The following SLC25A35 variants were observed in gnomAD, a reference collection of about 807,000 sequenced individuals.
The protein encoded by SLC25A35 is solute carrier family 25, member 35.
In SLC25A35, 32 loss-of-function variants were observed where a neutral mutation model predicts 30.5. That is an observed-to-expected ratio of 1.05 (90% confidence interval 0.79 to 1.41). The LOEUF (loss-of-function observed/expected upper bound fraction) is 1.41. Among genes scored for constraint, SLC25A35 ranks in the 40% most tolerant of loss-of-function variants. The pLI is 0.00. For missense variants in SLC25A35, 369 were observed against 388.0 expected (o/e 0.95, Z 0.41); for synonymous variants, 142 against 158.1 (o/e 0.90, Z 0.77).
At chr17:8,289,425 G>A (rs370613922), downstream of SLC25A35, 13 of 1,613,984 alleles carry the variant, frequency 8.1e-6, no homozygotes, top group African/African-American at 2.7e-5. Flanking sequence ...GTGAGGGCCC[G>A]AGAGTGTGTA....
chr17:8,291,765 A>G (rs1835727284), intron 2 of SLC25A35, among the ~76,000 whole-genome samples: 1 of 152,220 alleles, frequency 6.6e-6, no homozygotes, highest in Non-Finnish European at 1.5e-5. Flanking sequence ...TATTGGAAAG[A>G]GGCATCAGGC....
In SLC25A35 at chr17:8,290,553, G is replaced by A; in HGVS notation, c.855C>T (p.Leu285=). The change falls in exon 5 of 5, where the codon CTC becomes CTT. Residue 285 remains leucine (L), a synonymous_variant. Coordinates refer to ENST00000577745, the MANE Select transcript of SLC25A35 (RefSeq NM_001320870.2). Reference sequence around the variant, plus strand: ...GGGAGCGCAGCTGGTCCCAGAAGAAGAGGGAGAGGATGGTGTGGGGGCCGA... The same window carrying A: ...GGGAGCGCAGCTGGTCCCAGAAGAAAAGGGAGAGGATGGTGTGGGGGCCGA... ...FRLGPHTILS[L]FFWDQLRSLY... is the part of the protein sequence containing the mutation. 2.0e-6 allele frequency: 3 copies of A among 1,536,166 alleles called. No individual in the cohort carries two copies. Among genetic ancestry groups the A allele is most frequent in the Non-Finnish European group, 2.6e-6 (3 of 1,146,890 alleles).
chr17:8,294,772 C>T lies in SLC25A35; in HGVS notation c.36G>A (p.Gly12=). 1 of 1,600,478 alleles carries T rather than the reference C, an allele frequency of 6.2e-7. No individual in the cohort carries two copies. Among genetic ancestry groups the T allele is most frequent in the East Asian group, 2.2e-5 (1 of 44,630 alleles). The part of the protein sequence containing the change: ...DFLMSGLAAC[G]ACVFTNPLEV... ...CCAGGGGATTGGTGAATACACAGGCCCCGCAGGCTGCCAGGCCACTCATCA... is the reference window on the plus strand; with the variant it reads ...CCAGGGGATTGGTGAATACACAGGCTCCGCAGGCTGCCAGGCCACTCATCA... The change falls in exon 1 of 5, where the codon GGG becomes GGA. Residue 12 remains glycine, a synonymous_variant. Transcript: ENST00000577745.
At position 8,294,909 on chromosome 17, in the gene SLC25A35, C is replaced by T. The variant is rs1567665191; in HGVS notation, c.-102G>A. The T allele has an allele frequency of 6.7e-7, 1 of 1,494,100 alleles. No individual in the cohort carries two copies. The highest frequency in any genetic ancestry group is 8.9e-7 in the Non-Finnish European group (1 of 1,127,444). 92.6% of individuals were successfully genotyped at this position (1,494,100 alleles called of 1,614,324 possible). A position where few individuals can be genotyped will look rare whatever the true frequency, so the allele number is the denominator to read the frequency against. ...AGGGGGAAGGCCTGTTTCAGCAGTA[C>T]AGGTTGCAGAAGATAAGAATTTAGA... On this transcript the variant is annotated 5_prime_UTR_variant, in exon 1 of 5. Transcript: ENST00000577745.
At chr17:8,288,475 C>G, downstream of SLC25A35, 1 of 463,718 alleles carries the variant, frequency 2.2e-6, no homozygotes, top group South Asian at 2.2e-5. Flanking sequence ...AGGAGGCTGG[C>G]GGGAGCATGC....
downstream of SLC25A35, chr17:8,288,765 T>C: frequency 1.2e-6 from 2 of 1,613,442 alleles, no homozygotes; most frequent in Non-Finnish European, 1.7e-6. Context: ...ACCTTTCTAA[T>C]GCCCATAACC....
downstream of SLC25A35, chr17:8,288,697 T>G (rs1990230949): frequency 3.5e-6 from 5 of 1,408,630 alleles, no homozygotes; most frequent in Non-Finnish European, 5.0e-6. Context: ...CGGGTGGCGG[T>G]GGCAGCTGCG....
In SLC25A35 at chr17:8,290,189, CTG is replaced by C. The variant is rs1383986446; in HGVS notation, c.*314_*315del. On this transcript the variant is annotated 3_prime_UTR_variant, in exon 5 of 5. Coordinates refer to ENST00000577745, the MANE Select transcript of SLC25A35 (RefSeq NM_001320870.2). ...TGGTTTTGGAGGGAGGAGTTTAAAA[CTG>C]TGCATGGGAGCAGGAGGGACTCAAG... 18 of 1,431,502 alleles carry C rather than the reference CTG, an allele frequency of 1.3e-5. No individual in the cohort carries two copies. The East Asian group carries it at 1.5e-4, about 12-fold the overall frequency. The allele number at this position is 1,431,502 out of a possible 1,614,324, so 88.7% of individuals were successfully genotyped here.
Position 8,294,566 on chromosome 17 carries a change from A to G in SLC25A35, c.242T>C (p.Leu81Pro), listed in dbSNP as rs756367420. 6 of 1,614,148 alleles carry G rather than the reference A, an allele frequency of 3.7e-6. No homozygotes were observed. Among genetic ancestry groups the G allele is most frequent in the African/African-American group, 1.3e-5 (1 of 75,084 alleles). Residue 81 changes from leucine (L) to proline (P), a missense_variant, in exon 1 of 5, where the codon CTG becomes CCG. Leu to Pro is a moderately conservative substitution (Grantham distance 98). Transcript: ENST00000577745. ...AGCCTCAGCCAGCCCATAGGTGCCC[A>G]GTCGGATGCCATTCATCAGGAACTG... ...LYQFLMNGIRLGTYGLAEAGG... is the reference protein window; with the variant it reads ...LYQFLMNGIRPGTYGLAEAGG...
In SLC25A35 at chr17:8,292,529, C is replaced by T. The variant is rs1990583662; in HGVS notation, c.435G>A (p.Lys145=). 3 of 1,614,012 alleles carry T rather than the reference C, an allele frequency of 1.9e-6. No individual in the cohort carries two copies. In the East Asian group the frequency reaches 6.7e-5, roughly 36 times the overall value. Residue 145 remains lysine, a synonymous_variant, in exon 2 of 5, where the codon AAG becomes AAA. Coordinates refer to ENST00000577745, the MANE Select transcript of SLC25A35 (RefSeq NM_001320870.2). ...ASEIAVGHQY[K]HQGMFQALTE... The stretch of plus-strand genomic sequence containing the variant: ...CAGACTTGGGAACCCTCACCTGATG[C>T]TTATACTGGTGCCCTACAGCAATTT...
chr17:8,293,840 C>G (rs1326022219), intron 1 of SLC25A35, among the ~76,000 whole-genome samples: 3 of 147,378 alleles, frequency 2.0e-5, no homozygotes, highest in East Asian at 2.0e-4. Flanking sequence ...CGTGAGCCAC[C>G]GCGCCCGGCC....
In SLC25A35 at chr17:8,294,459, C is replaced by G; in HGVS notation, c.349G>C (p.Ala117Pro). 1 of 1,592,476 alleles carries G rather than the reference C, an allele frequency of 6.3e-7. No individual in the cohort carries two copies. The highest frequency in any genetic ancestry group is 2.0e-4 in the Middle Eastern group (1 of 4,938). ...ATGTAGATGGGGCTCCCCAAGTAGG[C>G]TCCCATGACCCCAGCCATGGCCCCA... ...AAGAMAGVMG[A>P]YLGSPIYMVK... The change falls in exon 1 of 5, where the codon GCC becomes CCC. Residue 117 changes from alanine (A) to proline (P), a missense_variant. Ala to Pro is a conservative substitution (Grantham distance 27, BLOSUM62 -1). Coordinates refer to ENST00000577745, the MANE Select transcript of SLC25A35 (RefSeq NM_001320870.2).
downstream of SLC25A35, chr17:8,289,974 G>T: frequency 6.2e-7 from 1 of 1,613,250 alleles, no homozygotes; most frequent in Non-Finnish European, 8.5e-7. Context: ...TGAGAACTTG[G>T]GGACTCGGTT....
intron 2 of SLC25A35, 100 bp from the exon 3 acceptor site, chr17:8,291,585 C>T (rs1204754639): frequency 5.6e-6 from 8 of 1,434,014 alleles, no homozygotes; most frequent in Non-Finnish European, 7.5e-6. Context: ...AATCTCTTGT[C>T]CAGACAACCA....
chr17:8,291,913 G>A (rs1182422673), intron 2 of SLC25A35, among the ~76,000 whole-genome samples: 1 of 152,188 alleles, frequency 6.6e-6, no homozygotes, highest in Non-Finnish European at 1.5e-5. Context: ...GCCGGGTGCA[G>A]TGGCTCATGC....
chr17:8,289,175 C>T, downstream of SLC25A35: 1 of 1,601,804 alleles, frequency 6.2e-7, no homozygotes. Flanking sequence ...CACGCACGGG[C>T]CGGGAGCCAG....
At chr17:8,288,396 GCGCC>G, downstream of SLC25A35, 1 of 300,606 alleles carries the variant, frequency 3.3e-6, no homozygotes, top group Middle Eastern at 1.2e-3. Flanking sequence ...AGCGGTGATC[GCGCC>G]ACTGCATTAC....
downstream of SLC25A35, chr17:8,289,106 G>A: frequency 2.5e-6 from 4 of 1,607,626 alleles, no homozygotes; most frequent in South Asian, 4.4e-5. Flanking sequence ...CCAATGGCAG[G>A]GGCGGGGTCG....
chr17:8,289,059 G>A (rs140704891), downstream of SLC25A35: 5 of 1,613,578 alleles, frequency 3.1e-6, no homozygotes, highest in Non-Finnish European at 4.2e-6. Flanking sequence ...CGTACGGGGC[G>A]AAGCGGCTGC....
Sources: allele counts gnomAD v4.1 joint callset (sites outside exome capture counted in the v4.1 genomes callset), GRCh38; gene constraint gnomAD v4.1.1; transcripts MANE v1.5; gene names NCBI Gene and HGNC (gene_info 2026-07-23, HGNC 2026-07-21).